The following CRB1 variants were observed in gnomAD, a reference collection of about 807,000 sequenced individuals.
CRB1 encodes the protein protein crumbs homolog 1.
A neutral mutation model predicts 120.0 loss-of-function variants in CRB1; 83 were observed. The observed-to-expected ratio is 0.69, with a 90% confidence interval of 0.58 to 0.83. The LOEUF (loss-of-function observed/expected upper bound fraction) is 0.83. Among genes scored for constraint, CRB1 ranks in the 40% least tolerant of loss-of-function variants. The pLI, the probability that CRB1 is intolerant of heterozygous loss-of-function variation, is 0.00. For synonymous variants in CRB1, 625 were observed against 612.5 expected, an observed-to-expected ratio of 1.02 and a Z score of -0.30; for missense variants, 1,699 against 1,687.6, an observed-to-expected ratio of 1.01 and a Z score of -0.12.
At chr1:197,464,634 A>T (rs1666675819) in intron 11 of CRB1, among the ~76,000 whole-genome samples, 2 of 152,166 alleles carry the variant, frequency 1.3e-5, no homozygotes, top group South Asian at 4.1e-4. Context: ...CCTGTTTCAG[A>T]TTATTTAAGT....
chr1:197,303,638 A>G (rs1438470863), intron 1 of CRB1, among the ~76,000 whole-genome samples: 1 of 152,060 alleles, frequency 6.6e-6, no homozygotes, highest in South Asian at 2.1e-4. Context: ...AAAATAAGCG[A>G]CTTGTCCTAG....
intron 11 of CRB1, among the ~76,000 whole-genome samples, chr1:197,454,498 G>C (rs1385624837): frequency 6.6e-6 from 1 of 152,004 alleles, no homozygotes; most frequent in Non-Finnish European, 1.5e-5. Flanking sequence ...ATTGCTGCAG[G>C]CTTCACGGAA....
chr1:197,447,129 CA>C (rs1157573290), intron 11 of CRB1, among the ~76,000 whole-genome samples: 1 of 152,180 alleles, frequency 6.6e-6, no homozygotes, highest in African/African-American at 2.4e-5. Context: ...GTCCTCTGCT[CA>C]GGGTCTCACA....
chr1:197,419,987 G>GAAAAA (rs398053681), intron 5 of CRB1, among the ~76,000 whole-genome samples: 1 of 46,800 alleles, frequency 2.1e-5, no homozygotes, highest in Non-Finnish European at 5.9e-5. Context: ...TCTCAAAAAC[G>GAAAAA]AAAAAAAAAA....
At chr1:197,283,203 CAA>C (rs1356296562) in intron 1 of CRB1, among the ~76,000 whole-genome samples, 3 of 151,508 alleles carry the variant, frequency 2.0e-5, no homozygotes, top group Admixed American at 6.6e-5. Flanking sequence ...TTGGAAAAAA[CAA>C]AGAAAAATTC....
At chr1:197,441,440 C>A (rs576919264) in intron 10 of CRB1, 6 of 152,212 alleles carry the variant, frequency 3.9e-5, no homozygotes, top group African/African-American at 1.2e-4. Flanking sequence ...TTACCTGAGA[C>A]TTGATGTCAC....
chr1:197,448,813 C>T (rs574956057), intron 11 of CRB1, among the ~76,000 whole-genome samples: 1 of 152,300 alleles, frequency 6.6e-6, no homozygotes, highest in South Asian at 2.1e-4. Context: ...TGCATGTACA[C>T]ACAAAAACAG....
chr1:197,219,327 C>G, the CRB1 span, among the ~76,000 whole-genome samples: 1 of 152,174 alleles, frequency 6.6e-6, no homozygotes, highest in Non-Finnish European at 1.5e-5. Flanking sequence ...TTCACAAAAT[C>G]CTATGAAATA....
chr1:197,288,141 T>A lies in CRB1; in HGVS notation c.70+19659T>A, dbSNP rs138958827. On this transcript the variant is annotated intron_variant, in intron 1 of 11. Coordinates refer to ENST00000367400, the MANE Select transcript of CRB1 (RefSeq NM_201253.3). ...GAGCTGCACAGAGACAGACCAGAGATCTGCAGAAGCTCCTTTTAGTATTCA... is the reference window on the plus strand; with the variant it reads ...GAGCTGCACAGAGACAGACCAGAGAACTGCAGAAGCTCCTTTTAGTATTCA... Among the ~76,000 whole-genome samples the A allele has an allele frequency of 2.0e-3, 310 of 151,716 alleles. 1 individual carries two copies. Among genetic ancestry groups the A allele is most frequent in the African/African-American group, 7.2e-3 (297 of 41,400 alleles).
chr1:197,435,031 C>A lies in CRB1; in HGVS notation c.3168C>A (p.Asp1056Glu). The part of the protein sequence containing the change: ...SQTSRWQMEV[D>E]NETPFVTSTI... ...CCTCCAGGTGGCAAATGGAAGTGGA[C>A]AACGAAACACCTTTTGTGACCAGCA... The change falls in exon 9 of 12, where the codon GAC becomes GAA. Residue 1056 changes from aspartate to glutamate, a missense_variant. Transcript: ENST00000367400. The A allele has an allele frequency of 6.2e-7, 1 of 1,613,906 alleles. No individual in the cohort carries two copies. Among genetic ancestry groups the A allele is most frequent in the Non-Finnish European group, 8.5e-7 (1 of 1,179,890 alleles).
the CRB1 span, among the ~76,000 whole-genome samples, chr1:197,231,926 T>C: frequency 6.6e-6 from 1 of 152,182 alleles, no homozygotes; most frequent in South Asian, 2.1e-4. Flanking sequence ...AACCTGTGAA[T>C]GTGTAACCTT....
the CRB1 span, among the ~76,000 whole-genome samples, chr1:197,249,240 C>T: frequency 7.2e-5 from 11 of 151,872 alleles, no homozygotes; most frequent in Non-Finnish European, 1.2e-4. Flanking sequence ...GTTTAGTGCT[C>T]CATTAAATAT....
chr1:197,471,923 G>C (rs574328906), intron 11 of CRB1, among the ~76,000 whole-genome samples: 1 of 152,218 alleles, frequency 6.6e-6, no homozygotes, highest in African/African-American at 2.4e-5. Context: ...CTCCAAATTT[G>C]TATTCCTTTT....
In CRB1 at chr1:197,344,337, G is replaced by T. The variant is rs761390003; in HGVS notation, c.709G>T (p.Ala237Ser). 6.2e-7 allele frequency: 1 copy of T among 1,614,174 alleles called. No homozygotes were observed. Among genetic ancestry groups the T allele is most frequent in the Admixed American group, 1.7e-5 (1 of 60,010 alleles). Residue 237 changes from alanine (A) to serine (S), a missense_variant, in exon 3 of 12, where the codon GCA becomes TCA. Coordinates refer to ENST00000367400, the MANE Select transcript of CRB1 (RefSeq NM_201253.3). Reference protein sequence around the residue: ...ECWSQPCLNGATCQDALGAYF... With the variant: ...ECWSQPCLNGSTCQDALGAYF... ...TTGGTCCCAGCCTTGTTTAAATGGT[G>T]CAACTTGTCAGGATGCTCTGGGGGC...
chr1:197,229,822 C>T, the CRB1 span, among the ~76,000 whole-genome samples: 1 of 152,064 alleles, frequency 6.6e-6, no homozygotes, highest in Non-Finnish European at 1.5e-5. Context: ...TGTTCTAAGG[C>T]CTTTTCCTCA....
At chr1:197,222,647 C>T in the CRB1 span, 1 of 777,504 alleles carries the variant, frequency 1.3e-6, no homozygotes, top group African/African-American at 1.7e-5. Context: ...TGTTTGAAGA[C>T]CTTTCAGTCA....
chr1:197,205,235 T>A, the CRB1 span, among the ~76,000 whole-genome samples: 1 of 152,184 alleles, frequency 6.6e-6, no homozygotes. Context: ...CTGATTTGGA[T>A]GTCCTTTATT....
At chr1:197,357,219 A>G (rs973820650) in intron 5 of CRB1, 9 of 643,926 alleles carry the variant, frequency 1.4e-5, no homozygotes, top group African/African-American at 1.8e-5. Flanking sequence ...AAAGAGGGAT[A>G]AAGGAGGAAT....
chr1:197,368,711 G>C (rs563928466), intron 5 of CRB1, among the ~76,000 whole-genome samples: 1 of 152,150 alleles, frequency 6.6e-6, no homozygotes, highest in Non-Finnish European at 1.5e-5. Flanking sequence ...GCATTCCTCT[G>C]TTGACTTGTA....
Sources: allele counts gnomAD v4.1 joint callset (sites outside exome capture counted in the v4.1 genomes callset), GRCh38; gene constraint gnomAD v4.1.1; transcripts MANE v1.5; gene names NCBI Gene and HGNC (gene_info 2026-07-23, HGNC 2026-07-21).